WDR11: variants seen among roughly 807,000 people sequenced by gnomAD.
WDR11 encodes WD repeat domain 11.
A neutral mutation model predicts 151.2 loss-of-function variants in WDR11; 83 were observed. That is an observed-to-expected ratio of 0.55 (90% CI 0.46 to 0.66). The LOEUF (loss-of-function observed/expected upper bound fraction) is 0.66, where lower values mean the gene tolerates loss of function less well. Ranked by LOEUF, WDR11 falls within the 30% of genes least tolerant of loss-of-function variation. The pLI is 0.00. For missense variants in WDR11, 1,301 were observed against 1,480.9 expected (o/e 0.88, Z 1.99); for synonymous variants, 484 against 533.1 (o/e 0.91, Z 1.27).
chr10:120,872,429 G>C (rs1434018848), intron 10 of WDR11, among the ~76,000 whole-genome samples: 1 of 152,148 alleles, frequency 6.6e-6, no homozygotes, highest in South Asian at 2.1e-4. Flanking sequence ...TTAGGATTTT[G>C]TCAATTTCTT....
chr10:120,860,884 T>C (rs936951248), intron 4 of WDR11, among the ~76,000 whole-genome samples: 2 of 152,218 alleles, frequency 1.3e-5, no homozygotes, highest in Non-Finnish European at 2.9e-5. Flanking sequence ...TCTTGAGCTA[T>C]TGCTACTCTT....
At chr10:120,898,652 TAGTA>T (rs1344382278) in intron 19 of WDR11, among the ~76,000 whole-genome samples, 1 of 152,154 alleles carries the variant, frequency 6.6e-6, no homozygotes, top group Non-Finnish European at 1.5e-5. Context: ...GTTCTCACGA[TAGTA>T]AGTGAGTTCT....
chr10:120,897,229 G>C (rs573230615), intron 19 of WDR11, among the ~76,000 whole-genome samples: 3 of 152,152 alleles, frequency 2.0e-5, no homozygotes, highest in Non-Finnish European at 2.9e-5. Context: ...AGAAGCAAAA[G>C]CTCAGGTGGA....
intron 9 of WDR11, among the ~76,000 whole-genome samples, chr10:120,867,451 T>G (rs1420997822): frequency 3.3e-5 from 5 of 152,238 alleles, no homozygotes; most frequent in Admixed American, 1.3e-4. Context: ...ATCTGGATTT[T>G]GGACCTAGAG....
chr10:120,902,134 G>T (rs777906960), intron 21 of WDR11, 123 bp from the exon 22 acceptor site: 3 of 824,592 alleles, frequency 3.6e-6, no homozygotes, highest in Non-Finnish European at 6.2e-6. Context: ...ACCTTGTCTT[G>T]TGTAAATTCT....
chr10:120,872,941 T>C (rs935475653), intron 10 of WDR11, among the ~76,000 whole-genome samples: 1 of 152,184 alleles, frequency 6.6e-6, no homozygotes, highest in Non-Finnish European at 1.5e-5. Flanking sequence ...AATTCATTAA[T>C]CTTTAAATCA....
chr10:120,874,027 T>A, intron 11 of WDR11, 104 bp downstream of exon 11: 1 of 766,920 alleles, frequency 1.3e-6, no homozygotes. Context: ...CAGTGGTGAT[T>A]ATTTGAAAAG....
chr10:120,905,920 G>T lies in WDR11; in HGVS notation c.3336G>T (p.Trp1112Cys), dbSNP rs1848022701. The T allele has an allele frequency of 6.2e-7, 1 of 1,614,020 alleles. No individual in the cohort carries two copies. The highest frequency in any genetic ancestry group is 1.3e-5 in the African/African-American group (1 of 74,970). Reference sequence around the variant, plus strand: ...AGTGTGCCGATGTTTTAAGGCGGTGGGTTGACCACCTTTGTTCTCCACAAG... The same window carrying T: ...AGTGTGCCGATGTTTTAAGGCGGTGTGTTGACCACCTTTGTTCTCCACAAG... Reference protein sequence around the residue: ...PEECADVLRRWVDHLCSPQVN... With the variant: ...PEECADVLRRCVDHLCSPQVN... The change falls in exon 27 of 29, where the codon TGG becomes TGT. Residue 1112 changes from tryptophan to cysteine, a missense_variant. Physicochemically the swap from Trp to Cys is radical, Grantham distance 215 (BLOSUM62 -2). This residue lies in a region of WDR11 where 589 missense variants were observed against 670.6 expected (regional missense o/e 0.88). Coordinates refer to ENST00000263461, the MANE Select transcript of WDR11 (RefSeq NM_018117.12).
intron 19 of WDR11, among the ~76,000 whole-genome samples, chr10:120,892,321 ATC>A (rs1847454295): frequency 6.6e-6 from 1 of 152,132 alleles, no homozygotes; most frequent in Non-Finnish European, 1.5e-5. Context: ...ATTCTTTTCA[ATC>A]TCTAATGTTA....
chr10:120,904,013 C>A, intron 23 of WDR11, 34 bp from the exon 24 acceptor site: 1 of 1,393,398 alleles, frequency 7.2e-7, no homozygotes, highest in South Asian at 1.2e-5. Flanking sequence ...CTCTTATAAT[C>A]CAGGCTTAAT....
At chr10:120,886,056 C>A in intron 15 of WDR11, 118 bp downstream of exon 15, 2 of 1,332,466 alleles carry the variant, frequency 1.5e-6, no homozygotes, top group Non-Finnish European at 2.1e-6. Flanking sequence ...TTTGAACATA[C>A]TTAGTTTCAT....
At chr10:120,898,934 T>C (rs1847710305) in intron 19 of WDR11, among the ~76,000 whole-genome samples, 1 of 152,190 alleles carries the variant, frequency 6.6e-6, no homozygotes, top group Non-Finnish European at 1.5e-5. Flanking sequence ...TTTTACATAA[T>C]TGTGTCTATT....
chr10:120,906,796 C>T lies in WDR11; in HGVS notation c.3458C>T (p.Ala1153Val). ...AGCAGCATGAGATACTTTGATAGAG[C>T]AGCCTTATTTGTGGAAGCTTGCCTC... is the stretch of plus-strand genomic sequence containing the variant. Reference protein sequence around the residue: ...TLHSMRYFDRAALFVEACLKY... With the variant: ...TLHSMRYFDRVALFVEACLKY... Residue 1153 changes from alanine (A) to valine (V), a missense_variant, in exon 28 of 29, where the codon GCA (alanine) becomes GTA (valine). This residue lies in a region of WDR11 where 589 missense variants were observed against 670.6 expected (regional missense o/e 0.88). Coordinates refer to ENST00000263461, the MANE Select transcript of WDR11 (RefSeq NM_018117.12). 6.2e-7 allele frequency: 1 copy of T among 1,614,154 alleles called. No homozygotes were observed. Among genetic ancestry groups the T allele is most frequent in the South Asian group, 1.1e-5 (1 of 91,068 alleles).
chr10:120,871,729 G>A (rs551641857), intron 10 of WDR11, among the ~76,000 whole-genome samples: 1 of 152,230 alleles, frequency 6.6e-6, no homozygotes, highest in South Asian at 2.1e-4. Flanking sequence ...TAAAAATATA[G>A]TCAGGGTTAA....
chr10:120,874,196 G>C (rs552158690), intron 11 of WDR11, among the ~76,000 whole-genome samples: 1 of 64,542 alleles, frequency 1.5e-5, no homozygotes, highest in Non-Finnish European at 3.5e-5. Context: ...TTTTTTTGTT[G>C]TTGTTGTTGT....
intron 9 of WDR11, among the ~76,000 whole-genome samples, chr10:120,869,231 C>T (rs1312738613): frequency 6.6e-6 from 1 of 151,246 alleles, no homozygotes; most frequent in Non-Finnish European, 1.5e-5. Flanking sequence ...CTGCCTCAGC[C>T]TCCCGCGTAG....
At chr10:120,870,885 C>T (rs1417575260) in intron 9 of WDR11, among the ~76,000 whole-genome samples, 1 of 152,092 alleles carries the variant, frequency 6.6e-6, no homozygotes, top group African/African-American at 2.4e-5. Flanking sequence ...TGCTTTAATA[C>T]CAGGAACATT....
Position 120,890,718 on chromosome 10 carries a change from T to C in WDR11, c.2346T>C (p.Val782=), listed in dbSNP as rs1366621812. The C allele has an allele frequency of 1.9e-6, 3 of 1,614,068 alleles. No individual in the cohort carries two copies. The highest frequency in any genetic ancestry group is 8.5e-7 in the Non-Finnish European group (1 of 1,180,038). The change falls in exon 19 of 29, where the codon GTT becomes GTC. Residue 782 remains valine (V), a splice_region_variant and synonymous_variant. Transcript: ENST00000263461. ...DGAEVWDTKE[V]QMVSSLRSGR... The stretch of plus-strand genomic sequence containing the variant: ...GATGCCCAAATTCACTCTTGAAGGT[T>C]CAGATGGTGAGCAGTTTAAGAAGTG...
At chr10:120,897,188 A>G (rs185009034) in intron 19 of WDR11, among the ~76,000 whole-genome samples, 29 of 152,316 alleles carry the variant, frequency 1.9e-4, no homozygotes, top group African/African-American at 7.0e-4. Context: ...CTCCATAGTA[A>G]TAGTCACAGT....
Sources: gnomAD v4.1 joint callset for allele counts (sites outside exome capture counted in the v4.1 genomes callset) on GRCh38, gnomAD v4.1.1 for gene constraint, gnomAD v4.1.1 regional missense constraint, MANE v1.5 for transcripts, NCBI Gene and HGNC (gene_info 2026-07-23, HGNC 2026-07-21) for gene names.